Variants in ABCC1 observed in about 807,000 individuals in gnomAD.
ABCC1 encodes the protein ATP binding cassette subfamily C member 1 (ABCC1 blood group), also known as multidrug resistance-associated protein 1.
In ABCC1, 83 loss-of-function variants were observed where a neutral mutation model predicts 172.9. The observed-to-expected ratio is 0.48, with a 90% CI of 0.40 to 0.58. The LOEUF is 0.58. Ranked by LOEUF, ABCC1 falls within the 20% of genes least tolerant of loss-of-function variation. ABCC1 has a pLI of 0.00. For missense variants in ABCC1, 1,817 were observed against 2,002.7 expected (o/e 0.91, Z 1.77); for synonymous variants, 937 against 825.2 (o/e 1.14, Z -2.32).
In ABCC1 at chr16:16,111,410, C is replaced by T. The variant is rs970524415; in HGVS notation, c.2907C>T (p.Ala969=). 1 of 1,613,978 alleles carries T rather than the reference C, an allele frequency of 6.2e-7. No individual in the cohort carries two copies. The highest frequency in any genetic ancestry group is 8.5e-7 in the Non-Finnish European group (1 of 1,180,040). The change falls in exon 22 of 31, where the codon GCC becomes GCT. Residue 969 remains alanine (A), a synonymous_variant. Transcript: ENST00000399410. ...CCGTGTACTGGGACTACATGAAGGC[C>T]ATCGGACTCTTCATCTCCTTCCTCA... ...KLSVYWDYMK[A]IGLFISFLSI... is the part of the protein sequence containing the mutation.
intron 3 of ABCC1, among the ~76,000 whole-genome samples, chr16:16,010,212 T>C (rs137922546): frequency 6.6e-6 from 1 of 151,888 alleles, no homozygotes; most frequent in East Asian, 1.9e-4. Flanking sequence ...CCCAGCTTAT[T>C]TTTGGCTAAT....
intron 1 of ABCC1, among the ~76,000 whole-genome samples, chr16:15,985,212 T>G (rs1278475504): frequency 6.6e-6 from 1 of 152,182 alleles, no homozygotes; most frequent in Admixed American, 6.6e-5. Flanking sequence ...CCTAAGCAGC[T>G]CCACTGTGGA....
chr16:16,124,276 T>C (rs1401062412), intron 24 of ABCC1, among the ~76,000 whole-genome samples: 1 of 151,230 alleles, frequency 6.6e-6, no homozygotes. Flanking sequence ...TCTTAGTATT[T>C]AGGAATTTCC....
chr16:16,111,330 G>GGGGCTGGGGCTC (rs2052379354), intron 21 of ABCC1, 45 bp from the exon 22 acceptor site: 1 of 1,560,788 alleles, frequency 6.4e-7, no homozygotes, highest in South Asian at 1.1e-5. Flanking sequence ...GGCTGGGGCT[G>GGGGCTGGGGCTC]GGTGCGTGCA....
rs140618716 is a variant in ABCC1 at position 16,064,878 on chromosome 16, A to G, written c.1678-3278A>G. On this transcript the variant is annotated intron_variant, in intron 12 of 30. Coordinates refer to ENST00000399410, the MANE Select transcript of ABCC1 (RefSeq NM_004996.4). ...GAAACAGACAAGGAAAAATAGGCAC[A>G]ATAAATAAATCCTAGTGCTAGAGAA... is the stretch of plus-strand genomic sequence containing the variant. 7.4e-4 allele frequency among the ~76,000 whole-genome samples: 113 copies of G among 152,386 alleles called. 1 individual carries two copies. In the East Asian group the frequency reaches 0.019, roughly 26 times the overall value.
chr16:16,083,537 G>C lies in ABCC1; in HGVS notation c.2287G>C (p.Glu763Gln), dbSNP rs753635841. Reference sequence around the variant, plus strand: ...CAGTGGGGATCGGACAGAGATTGGCGAGAAGGTCAGTATAGGTTGGATGTT... The same window carrying C: ...CAGTGGGGATCGGACAGAGATTGGCCAGAAGGTCAGTATAGGTTGGATGTT... ...LPSGDRTEIG[E>Q]KGVNLSGGQK... Residue 763 changes from glutamate to glutamine, a missense_variant, in exon 17 of 31, where the codon GAG (glutamate) becomes CAG (glutamine). By Grantham distance (29) the Glu-to-Gln change is conservative (BLOSUM62 2). Around this residue, in one of 3 missense-constraint regions of ABCC1, gnomAD observed 1,412 missense variants for 1,600.3 expected, o/e 0.88. Coordinates refer to ENST00000399410, the MANE Select transcript of ABCC1 (RefSeq NM_004996.4). 3 of 1,612,690 alleles carry C rather than the reference G, an allele frequency of 1.9e-6. No homozygotes were observed. Among genetic ancestry groups the C allele is most frequent in the Non-Finnish European group, 2.5e-6 (3 of 1,179,390 alleles).
At chr16:15,986,652 C>T (rs1042158972) in intron 1 of ABCC1, among the ~76,000 whole-genome samples, 9 of 152,168 alleles carry the variant, frequency 5.9e-5, no homozygotes, top group South Asian at 2.1e-4. Flanking sequence ...TGCCAAAAAG[C>T]GTGGGGACCT....
At chr16:15,959,410 C>T (rs539651348) in intron 1 of ABCC1, among the ~76,000 whole-genome samples, 2 of 152,288 alleles carry the variant, frequency 1.3e-5, no homozygotes, top group African/African-American at 2.4e-5. Flanking sequence ...ACTGCAGCCT[C>T]GACCTCCTGG....
At chr16:16,108,198 G>GC (rs2052220523) in intron 21 of ABCC1, among the ~76,000 whole-genome samples, 1 of 151,184 alleles carries the variant, frequency 6.6e-6, no homozygotes, top group South Asian at 2.1e-4. Flanking sequence ...GAACATCAAA[G>GC]CCAGGGGGCT....
At chr16:16,009,007 A>G (rs946098664) in intron 2 of ABCC1, among the ~76,000 whole-genome samples, 8 of 150,574 alleles carry the variant, frequency 5.3e-5, no homozygotes, top group East Asian at 2.0e-4. Flanking sequence ...CTGGAGTGCA[A>G]TGGTATGATC....
Position 16,106,681 on chromosome 16 carries a change from C to T in ABCC1, c.2736-57C>T, listed in dbSNP as rs2052128300. The T allele has an allele frequency of 2.5e-6, 4 of 1,609,986 alleles. No individual in the cohort carries two copies. In the South Asian group the frequency reaches 3.3e-5, roughly 13 times the overall value. ...ACAATAGCAGTCCCAGCAGGGAGCC[C>T]TCCGACCCTGCCCAAGGCATCTGTA... On this transcript the variant is annotated intron_variant, in intron 20 of 30. Coordinates refer to ENST00000399410, the MANE Select transcript of ABCC1 (RefSeq NM_004996.4).
At chr16:16,072,867 C>T (rs1258463100) in intron 14 of ABCC1, among the ~76,000 whole-genome samples, 1 of 151,248 alleles carries the variant, frequency 6.6e-6, no homozygotes, top group African/African-American at 2.4e-5. Context: ...CAAGGTGAAA[C>T]CCCGTCTCTA....
Position 16,115,005 on chromosome 16 carries a change from G to C in ABCC1, c.3319G>C (p.Val1107Leu). The change falls in exon 23 of 31, where the codon GTT becomes CTT. Residue 1107 changes from valine (V) to leucine (L), a missense_variant. Around this residue, in one of 3 missense-constraint regions of ABCC1, gnomAD observed 1,412 missense variants for 1,600.3 expected, o/e 0.88. Transcript: ENST00000399410. ...SLFNVIGACI[V>L]ILLATPIAAI... Reference sequence around the variant, plus strand: ...GTTCAACGTCATTGGTGCCTGCATCGTTATCCTGCTGGCCACGCCCATCGC... The same window carrying C: ...GTTCAACGTCATTGGTGCCTGCATCCTTATCCTGCTGGCCACGCCCATCGC... 6.2e-7 allele frequency: 1 copy of C among 1,614,180 alleles called. No individual in the cohort carries two copies.
chr16:16,032,722 A>G (rs1204738251), intron 5 of ABCC1, among the ~76,000 whole-genome samples: 2 of 152,206 alleles, frequency 1.3e-5, no homozygotes, highest in South Asian at 2.1e-4. Context: ...GTGGGGATAT[A>G]AGGCAACCCT....
chr16:15,984,059 T>A (rs2046689519), intron 1 of ABCC1, among the ~76,000 whole-genome samples: 1 of 152,198 alleles, frequency 6.6e-6, no homozygotes, highest in Non-Finnish European at 1.5e-5. Flanking sequence ...TTCTTTAGCT[T>A]AATAAGCAGT....
chr16:16,073,056 A>G (rs2050415039), intron 14 of ABCC1, among the ~76,000 whole-genome samples: 1 of 75,234 alleles, frequency 1.3e-5, no homozygotes, highest in Non-Finnish European at 2.6e-5. Flanking sequence ...AAAAAAAAAA[A>G]ATAATAATAA....
chr16:16,123,621 C>G (rs1773584223), intron 24 of ABCC1, among the ~76,000 whole-genome samples: 1 of 151,812 alleles, frequency 6.6e-6, no homozygotes, highest in Admixed American at 6.6e-5. Context: ...GAGCGAAACT[C>G]TATCTGAAGA....
intron 24 of ABCC1, 116 bp downstream of exon 24, chr16:16,122,290 C>A: frequency 8.7e-7 from 1 of 1,151,262 alleles, no homozygotes; most frequent in Non-Finnish European, 1.2e-6. Context: ...CCCGGCCTTG[C>A]AGAAAGGATG....
intron 27 of ABCC1, among the ~76,000 whole-genome samples, chr16:16,132,237 T>A (rs925590333): frequency 5.3e-5 from 8 of 152,104 alleles, no homozygotes; most frequent in African/African-American, 1.9e-4. Flanking sequence ...TTACCCAGGC[T>A]AGAGTGCAGT....
Sources: gnomAD v4.1 joint callset for allele counts (sites outside exome capture counted in the v4.1 genomes callset) on GRCh38, gnomAD v4.1.1 for gene constraint, gnomAD v4.1.1 regional missense constraint, MANE v1.5 for transcripts, NCBI Gene and HGNC (gene_info 2026-07-23, HGNC 2026-07-21) for gene names.